Variants in RGS6 observed in about 807,000 individuals in gnomAD.
The protein encoded by RGS6 is regulator of G protein signaling 6.
RGS6 carries 30 observed loss-of-function variants against 78.5 expected under a neutral mutation model. The observed-to-expected ratio is 0.38, with a 90% CI of 0.29 to 0.52. The LOEUF (loss-of-function observed/expected upper bound fraction) is 0.52, where lower values mean the gene tolerates loss of function less well. Ranked by LOEUF, RGS6 falls within the 20% of genes least tolerant of loss-of-function variation. RGS6 has a pLI of 0.85. For missense variants in RGS6, 495 were observed against 609.7 expected (o/e 0.81, Z 1.98); for synonymous variants, 206 against 206.0 (o/e 1.00, Z 0.00).
chr14:72,008,219 T>C (rs1045058950), intron 2 of RGS6, among the ~76,000 whole-genome samples: 5 of 152,224 alleles, frequency 3.3e-5, no homozygotes, highest in Non-Finnish European at 5.9e-5. Flanking sequence ...ATCCTGCCCT[T>C]GCATGTTGGG....
intron 2 of RGS6, among the ~76,000 whole-genome samples, chr14:72,195,243 G>T (rs531409703): frequency 6.6e-6 from 1 of 152,186 alleles, no homozygotes; most frequent in African/African-American, 2.4e-5. Context: ...AAAGTGGGAA[G>T]AGGAGCAGGC....
chr14:72,251,746 C>T (rs1328874506), intron 2 of RGS6, among the ~76,000 whole-genome samples: 1 of 152,138 alleles, frequency 6.6e-6, no homozygotes, highest in Non-Finnish European at 1.5e-5. Flanking sequence ...TGAAAAACTA[C>T]CCATTGGGTA....
intron 2 of RGS6, among the ~76,000 whole-genome samples, chr14:72,320,207 A>G (rs757738348): frequency 6.6e-6 from 1 of 152,238 alleles, no homozygotes; most frequent in East Asian, 1.9e-4. Context: ...CCAAACTGTC[A>G]TTCAAATGTA....
chr14:72,561,374 T>C (rs1231868349), intron 17 of RGS6, among the ~76,000 whole-genome samples: 2 of 152,168 alleles, frequency 1.3e-5, no homozygotes, highest in Non-Finnish European at 2.9e-5. Flanking sequence ...GTCAATAATA[T>C]GGGTTTGGAG....
the RGS6 span, among the ~76,000 whole-genome samples, chr14:72,622,097 G>GACA: frequency 6.6e-6 from 1 of 152,190 alleles, no homozygotes; most frequent in South Asian, 2.1e-4. Context: ...TTGTCTTCAT[G>GACA]GAGAAGTGTC....
At chr14:72,374,412 C>T (rs981698342) in intron 3 of RGS6, among the ~76,000 whole-genome samples, 14 of 152,032 alleles carry the variant, frequency 9.2e-5, no homozygotes, top group African/African-American at 2.9e-4. Flanking sequence ...CTACAAAGGA[C>T]GGCATTATTC....
intron 2 of RGS6, among the ~76,000 whole-genome samples, chr14:72,329,286 G>A (rs768446368): frequency 6.6e-5 from 10 of 152,228 alleles, no homozygotes; most frequent in Admixed American, 1.3e-4. Context: ...GCTTCACGGC[G>A]CTTCTTATTA....
intron 3 of RGS6, among the ~76,000 whole-genome samples, chr14:72,362,354 C>T (rs756327011): frequency 8.5e-5 from 13 of 152,160 alleles, no homozygotes; most frequent in Non-Finnish European, 1.6e-4. Flanking sequence ...TTATCTATTT[C>T]TGTATAACAA....
intron 2 of RGS6, among the ~76,000 whole-genome samples, chr14:72,111,884 G>A (rs2095772164): frequency 1.3e-5 from 2 of 152,196 alleles, no homozygotes; most frequent in South Asian, 4.1e-4. Context: ...TAGAGATCTG[G>A]TAGTTAATCT....
rs187086859 is a variant in RGS6 at position 72,370,522 on chromosome 14, G to A, written c.184+18328G>A. On this transcript the variant is annotated intron_variant, in intron 3 of 17. Transcript: ENST00000553525. ...CAAGGAGGCTACATCTTAACCGCAC[G>A]GGGAGGGGACGTTTTAACAAGGCCA... 2.8e-3 allele frequency among the ~76,000 whole-genome samples: 432 copies of A among 152,264 alleles called. 2 individuals are homozygous for A. The highest frequency in any genetic ancestry group is 9.6e-3 in the African/African-American group (398 of 41,552).
At chr14:72,191,552 A>G (rs776906644) in intron 2 of RGS6, among the ~76,000 whole-genome samples, 2 of 152,224 alleles carry the variant, frequency 1.3e-5, no homozygotes, top group Non-Finnish European at 1.5e-5. Flanking sequence ...GACATCTTAC[A>G]TGGCAGCAGG....
At chr14:71,975,375 T>C (rs954995292) in intron 2 of RGS6, among the ~76,000 whole-genome samples, 12 of 152,244 alleles carry the variant, frequency 7.9e-5, no homozygotes, top group African/African-American at 2.7e-4. Context: ...ACTTTGGTTT[T>C]AGCAGTTTTA....
At position 72,452,224 on chromosome 14, in the gene RGS6, T is replaced by TTCTCTCTCTC. The variant is rs56308165; in HGVS notation, c.185-2283_185-2274dup. Among the ~76,000 whole-genome samples the TTCTCTCTCTC allele has an allele frequency of 1.7e-3, 249 of 148,052 alleles. 1 individual carries two copies. The highest frequency in any genetic ancestry group is 2.1e-3 in the African/African-American group (85 of 40,300). On this transcript the variant is annotated intron_variant, in intron 3 of 17. Transcript: ENST00000553525. The stretch of plus-strand genomic sequence containing the variant: ...GCACATGTACACACACACATATTCA[T>TTCTCTCTCTC]TCTCTCTCTCTCTCTCTCTCTCTCT...
the RGS6 span, among the ~76,000 whole-genome samples, chr14:71,888,627 G>A: frequency 6.6e-6 from 1 of 152,006 alleles, no homozygotes; most frequent in African/African-American, 2.4e-5. Context: ...GAAGAAGGGT[G>A]GCTTGGCATA....
chr14:71,884,013 C>T, the RGS6 span, among the ~76,000 whole-genome samples: 1 of 152,176 alleles, frequency 6.6e-6, no homozygotes, highest in African/African-American at 2.4e-5. Flanking sequence ...AGTAGCCATT[C>T]TTTATTCCTT....
chr14:72,373,619 G>A (rs751879543), intron 3 of RGS6, among the ~76,000 whole-genome samples: 4 of 152,166 alleles, frequency 2.6e-5, no homozygotes, highest in Admixed American at 6.5e-5. Context: ...AGAGCAATAC[G>A]ATTATTAGAT....
At chr14:72,061,617 AC>A (rs1293267943) in intron 2 of RGS6, among the ~76,000 whole-genome samples, 7 of 152,192 alleles carry the variant, frequency 4.6e-5, no homozygotes, top group Non-Finnish European at 8.8e-5. Context: ...TGATCAAAAC[AC>A]CTATGCAAGG....
intron 2 of RGS6, among the ~76,000 whole-genome samples, chr14:72,034,010 T>C (rs533765706): frequency 1.3e-5 from 2 of 152,334 alleles, no homozygotes; most frequent in African/African-American, 2.4e-5. Flanking sequence ...TGTTTAGTCA[T>C]GTTGAATATA....
the RGS6 span, among the ~76,000 whole-genome samples, chr14:71,922,148 T>C: frequency 3.3e-5 from 5 of 152,242 alleles, no homozygotes; most frequent in Non-Finnish European, 2.9e-5. Flanking sequence ...TCCATCTTGT[T>C]GTTCTTGACT....
Sources: gnomAD v4.1 joint callset for allele counts (sites outside exome capture counted in the v4.1 genomes callset) on GRCh38, gnomAD v4.1.1 for gene constraint, MANE v1.5 for transcripts, NCBI Gene and HGNC (gene_info 2026-07-23, HGNC 2026-07-21) for gene names.